The following C2orf80 variants were observed in gnomAD, a reference collection of about 807,000 sequenced individuals.
C2orf80 encodes chromosome 2 open reading frame 80.
C2orf80 carries 28 observed loss-of-function variants against 30.2 expected under a neutral mutation model. The observed-to-expected ratio is 0.93, with a 90% CI of 0.69 to 1.27. The LOEUF (loss-of-function observed/expected upper bound fraction) is 1.27. Ranked by LOEUF, C2orf80 falls within the 50% of genes most tolerant of loss-of-function variation. The pLI, the probability that C2orf80 is intolerant of heterozygous loss-of-function variation, is 0.00. For missense variants in C2orf80, 220 were observed against 231.0 expected (o/e 0.95, Z 0.31); for synonymous variants, 80 against 76.4 (o/e 1.05, Z -0.24).
chr2:208,169,229 AT>A (rs1696011497), intron 8 of C2orf80, among the ~76,000 whole-genome samples: 1 of 35,644 alleles, frequency 2.8e-5, no homozygotes, highest in Admixed American at 4.1e-4. Context: ...TGTTTCAGAG[AT>A]CTTTTTGTGT....
rs1301586499 is a variant in C2orf80, at chr2:208,176,978, CAGAAATGT to C, written c.366+3759_366+3766del. 3.4e-3 allele frequency among the ~76,000 whole-genome samples: 28 copies of C among 8,178 alleles called. 2 individuals are homozygous for C. The highest frequency in any genetic ancestry group is 4.8e-3 in the South Asian group (1 of 210). The allele number at this position is 8,178 out of a possible 152,430, so 5.4% of individuals were successfully genotyped here. A position where few individuals can be genotyped will look rare whatever the true frequency, so the allele number is the denominator to read the frequency against. On this transcript the variant is annotated intron_variant, in intron 6 of 8. Transcript: ENST00000341287. ...CTGTATACATATGTATACATATATA[CAGAAATGT>C]ATATGTATACATATATACATATATA... is the stretch of plus-strand genomic sequence containing the variant.
At chr2:208,173,559 A>G (rs1307169717) in intron 6 of C2orf80, among the ~76,000 whole-genome samples, 1 of 152,140 alleles carries the variant, frequency 6.6e-6, no homozygotes, top group Non-Finnish European at 1.5e-5. Context: ...CGGGAGGCGG[A>G]GCTTGCCGTG....
chr2:208,176,962 T>TATGTATACAG (rs1696353277), intron 6 of C2orf80, among the ~76,000 whole-genome samples: 1 of 95,990 alleles, frequency 1.0e-5, no homozygotes, highest in Non-Finnish European at 2.3e-5. Context: ...TCTGTATACA[T>TATGTATACAG]ATGTATACAT....
Position 208,187,067 on chromosome 2 carries a change from G to A in C2orf80, c.-75-6C>T. On this transcript the variant is annotated splice_region_variant and splice_polypyrimidine_tract_variant and intron_variant, in intron 1 of 8. Transcript: ENST00000341287. ...AGCTTCTCTGAGTCTAGAGGCTACAGCAGCAAATCAGAGAGAATATGAGTT... is the reference window on the plus strand; with the variant it reads ...AGCTTCTCTGAGTCTAGAGGCTACAACAGCAAATCAGAGAGAATATGAGTT... 7.6e-7 allele frequency: 1 copy of A among 1,317,602 alleles called. No homozygotes were observed. Among genetic ancestry groups the A allele is most frequent in the East Asian group, 2.3e-5 (1 of 43,488 alleles). The allele number at this position is 1,317,602 out of a possible 1,614,324, so 81.6% of individuals were successfully genotyped here. A position where few individuals can be genotyped will look rare whatever the true frequency, so the allele number is the denominator to read the frequency against.
intron 4 of C2orf80, among the ~76,000 whole-genome samples, chr2:208,181,910 T>C (rs1696574724): frequency 6.6e-6 from 1 of 152,164 alleles, no homozygotes; most frequent in Non-Finnish European, 1.5e-5. Flanking sequence ...GATGACATTG[T>C]TTGAGTTTTG....
intron 2 of C2orf80, among the ~76,000 whole-genome samples, chr2:208,185,997 T>C (rs1461872962): frequency 2.0e-5 from 3 of 152,234 alleles, no homozygotes; most frequent in East Asian, 1.9e-4. Flanking sequence ...TCAGCATGTC[T>C]TTCTTTACCA....
intron 3 of C2orf80, 128 bp from the exon 4 acceptor site, chr2:208,183,175 T>C (rs1696614644): frequency 1.5e-6 from 1 of 652,794 alleles, no homozygotes; most frequent in African/African-American, 1.8e-5. Context: ...GAAGGATCAT[T>C]AGCTTTAATA....
chr2:208,186,653 C>T (rs1696726963), intron 2 of C2orf80, among the ~76,000 whole-genome samples: 1 of 152,194 alleles, frequency 6.6e-6, no homozygotes, highest in Non-Finnish European at 1.5e-5. Context: ...ATCTTGCCTA[C>T]ACAGGCTGAC....
At chr2:208,173,638 CAAAAACA>C (rs1696183361) in intron 6 of C2orf80, among the ~76,000 whole-genome samples, 1 of 151,462 alleles carries the variant, frequency 6.6e-6, no homozygotes. Flanking sequence ...AAAACAAAAA[CAAAAACA>C]AAACACCAAA....
intron 6 of C2orf80, among the ~76,000 whole-genome samples, chr2:208,177,800 C>CTGTA (rs1553597720): frequency 1.4e-5 from 2 of 147,074 alleles, no homozygotes; most frequent in Non-Finnish European, 3.0e-5. Flanking sequence ...CTTCTAGCAC[C>CTGTA]TTTATTTATT....
At chr2:208,184,553 T>C (rs1574374685) in intron 3 of C2orf80, among the ~76,000 whole-genome samples, 1 of 152,226 alleles carries the variant, frequency 6.6e-6, no homozygotes, top group Non-Finnish European at 1.5e-5. Context: ...TCGAAATAAA[T>C]AACACCAAGG....
chr2:208,180,781 A>G lies in C2orf80; in HGVS notation c.330T>C (p.Tyr110=). The G allele has an allele frequency of 1.2e-6, 2 of 1,613,772 alleles. No individual in the cohort carries two copies. The highest frequency in any genetic ancestry group is 8.5e-7 in the Non-Finnish European group (1 of 1,179,808). ...SIPIEEVFKI[Y]GADSSADSGT... is the part of the protein sequence containing the mutation. ...CAGAATCGGCAGAAGAATCAGCCCC[A>G]TAAATTTTAAAGACTTCCTCAATCG... The change falls in exon 6 of 9, where the codon TAT becomes TAC. Residue 110 remains tyrosine (Y), a synonymous_variant. Transcript: ENST00000341287.
At chr2:208,181,114 AT>A (rs1345487964) in intron 5 of C2orf80, 103 bp downstream of exon 5, 5 of 893,474 alleles carry the variant, frequency 5.6e-6, no homozygotes, top group Non-Finnish European at 8.7e-6. Flanking sequence ...ACTCCTAAAC[AT>A]TTAGAAACAT....
In C2orf80 at chr2:208,171,022, T is replaced by C; in HGVS notation, c.496A>G (p.Ser166Gly). The C allele has an allele frequency of 6.2e-7, 1 of 1,614,190 alleles. No individual in the cohort carries two copies. The highest frequency in any genetic ancestry group is 8.5e-7 in the Non-Finnish European group (1 of 1,179,988). ...GCATTTGCTTCCTTTGCAGAGATGC[T>C]GGTGGCATTTTTATTTGTTGTTACC... ...RKVTTNKNATSISAKEANATE... is the reference protein window; with the variant it reads ...RKVTTNKNATGISAKEANATE... The change falls in exon 8 of 9, where the codon AGC becomes GGC. Residue 166 changes from serine to glycine, a missense_variant. Coordinates refer to ENST00000341287, the MANE Select transcript of C2orf80 (RefSeq NM_001099334.3).
intron 4 of C2orf80, among the ~76,000 whole-genome samples, chr2:208,182,105 C>G (rs1010349917): frequency 6.6e-6 from 1 of 152,060 alleles, no homozygotes; most frequent in Non-Finnish European, 1.5e-5. Flanking sequence ...AGTCCAGAGC[C>G]ATTGAGTAGA....
At chr2:208,177,353 C>A (rs901100375) in intron 6 of C2orf80, among the ~76,000 whole-genome samples, 3 of 151,794 alleles carry the variant, frequency 2.0e-5, no homozygotes, top group Non-Finnish European at 2.9e-5. Context: ...AACAGCCTGA[C>A]CAACATGGCG....
intron 8 of C2orf80, 65 bp downstream of exon 8, chr2:208,170,880 G>T: frequency 7.8e-7 from 1 of 1,289,984 alleles, no homozygotes; most frequent in Non-Finnish European, 1.1e-6. Flanking sequence ...TTTAACCACG[G>T]TATCAGGAAA....
intron 6 of C2orf80, among the ~76,000 whole-genome samples, chr2:208,180,243 A>T (rs1574369796): frequency 6.6e-6 from 1 of 152,122 alleles, no homozygotes; most frequent in East Asian, 1.9e-4. Flanking sequence ...TGAGGCCAAG[A>T]GTTTGAGACC....
intron 6 of C2orf80, among the ~76,000 whole-genome samples, chr2:208,173,944 C>A (rs1453952393): frequency 6.6e-6 from 1 of 151,882 alleles, no homozygotes; most frequent in Non-Finnish European, 1.5e-5. Flanking sequence ...TTTAATCCCT[C>A]ATTTACTATT....
Sources: allele counts gnomAD v4.1 joint callset (sites outside exome capture counted in the v4.1 genomes callset), GRCh38; gene constraint gnomAD v4.1.1; transcripts MANE v1.5; gene names NCBI Gene and HGNC (gene_info 2026-07-23, HGNC 2026-07-21).